MEIS3: variants seen among roughly 807,000 people sequenced by gnomAD.
MEIS3 encodes homeobox protein Meis3.
In MEIS3, 38 loss-of-function variants were observed where a neutral mutation model predicts 51.4. That is an observed-to-expected ratio of 0.74 (90% CI 0.57 to 0.97). The LOEUF (loss-of-function observed/expected upper bound fraction) is 0.97, where lower values mean the gene tolerates loss of function less well. Ranked by LOEUF, MEIS3 falls within the 50% of genes least tolerant of loss-of-function variation. MEIS3 has a pLI of 0.00. For missense variants in MEIS3, 456 were observed against 502.6 expected (o/e 0.91, Z 0.89); for synonymous variants, 198 against 201.8 (o/e 0.98, Z 0.16).
At chr19:47,417,134 GAC>G in intron 2 of MEIS3, 42 bp downstream of exon 2, 2 of 1,536,876 alleles carry the variant, frequency 1.3e-6, no homozygotes, top group Non-Finnish European at 1.7e-6. Context: ...GAAGCAGAAA[GAC>G]AGAGAGAGAG....
intron 9 of MEIS3, 106 bp from the exon 10 acceptor site, chr19:47,407,243 G>A: frequency 6.8e-6 from 10 of 1,475,842 alleles, no homozygotes; most frequent in Non-Finnish European, 9.1e-6. Flanking sequence ...AGGCAGAGCG[G>A]GGCGAGCAGG....
At chr19:47,403,834 G>C (rs1031368422) in intron 12 of MEIS3, among the ~76,000 whole-genome samples, 1 of 152,098 alleles carries the variant, frequency 6.6e-6, no homozygotes, top group Admixed American at 6.5e-5. Context: ...GACAGACCTG[G>C]AGGGAGTCAG....
intron 2 of MEIS3, 55 bp from the exon 3 acceptor site, chr19:47,417,018 G>A (rs1327565952): frequency 1.9e-5 from 30 of 1,546,880 alleles, no homozygotes; most frequent in Non-Finnish European, 2.4e-5. Context: ...GTGGATGGAG[G>A]GGCTGCCAAG....
chr19:47,403,437 G>C lies in MEIS3; in HGVS notation c.*134C>G. The C allele has an allele frequency of 2.2e-6, 1 of 455,154 alleles. No individual in the cohort carries two copies. The highest frequency in any genetic ancestry group is 1.6e-5 in the South Asian group (1 of 64,496). 28.2% of individuals were successfully genotyped at this position (455,154 alleles called of 1,614,324 possible). ...ACTCAGGCCCCCATGTCCCAGCAGG[G>C]CCCTAGGGAGGTAGGCATTGAGCAG... On this transcript the variant is annotated 3_prime_UTR_variant, in exon 13 of 13. Transcript: ENST00000558555.
intron 4 of MEIS3, chr19:47,416,344 C>T: frequency 5.7e-6 from 2 of 351,266 alleles, no homozygotes; most frequent in Non-Finnish European, 5.2e-6. Flanking sequence ...ACCCCCACAG[C>T]AGCCCTCCAA....
At chr19:47,407,781 G>A (rs1017588553) in intron 8 of MEIS3, 16 of 469,102 alleles carry the variant, frequency 3.4e-5, no homozygotes, top group Non-Finnish European at 5.6e-5. Context: ...ATCTGTCAGA[G>A]TCTCTGTGTG....
chr19:47,421,786 G>T (rs1971721169), upstream of MEIS3, among the ~76,000 whole-genome samples: 1 of 150,186 alleles, frequency 6.7e-6, no homozygotes, highest in Non-Finnish European at 1.5e-5. Context: ...TCTTTGTCTG[G>T]ATGTCTTCTC....
chr19:47,411,074 T>G (rs1953938235), intron 6 of MEIS3, among the ~76,000 whole-genome samples: 1 of 152,044 alleles, frequency 6.6e-6, no homozygotes. Flanking sequence ...GTAGCTGGGA[T>G]TACAGGTGCC....
intron 9 of MEIS3, 34 bp from the exon 10 acceptor site, chr19:47,407,171 A>C: frequency 6.3e-7 from 1 of 1,597,154 alleles, no homozygotes; most frequent in Non-Finnish European, 8.5e-7. Context: ...AGGGGAATGA[A>C]AAGAGGGAGT....
chr19:47,412,758 C>CG (rs1254782200), intron 6 of MEIS3, among the ~76,000 whole-genome samples: 1 of 151,924 alleles, frequency 6.6e-6, no homozygotes, highest in Non-Finnish European at 1.5e-5. Context: ...TTAGTAGAGA[C>CG]GGGGTTTCAC....
At position 47,417,222 on chromosome 19, in the gene MEIS3, G is replaced by C. The variant is rs776314021; in HGVS notation, c.141C>G (p.Gly47=). 1 of 1,587,296 alleles carries C rather than the reference G, an allele frequency of 6.3e-7. No individual in the cohort carries two copies. The part of the protein sequence containing the change: ...PHRPPQPLPP[G]LDSDGLKREK... ...CCCTCTTCAGGCCGTCGCTGTCCAA[G>C]CCTGGGGGCAGGGGCTGGGGAGGCC... The change falls in exon 2 of 13, where the codon GGC becomes GGG. Residue 47 remains glycine (G), a synonymous_variant. Coordinates refer to ENST00000558555, the MANE Select transcript of MEIS3 (RefSeq NM_001301059.2).
Position 47,415,040 on chromosome 19 carries a change from G to T in MEIS3, c.447+11C>A. 1.3e-6 allele frequency: 2 copies of T among 1,555,398 alleles called. No individual in the cohort carries two copies. Among genetic ancestry groups the T allele is most frequent in the Middle Eastern group, 2.1e-4 (1 of 4,682 alleles). On this transcript the variant is annotated intron_variant, in intron 5 of 12. Coordinates refer to ENST00000558555, the MANE Select transcript of MEIS3 (RefSeq NM_001301059.2). ...GGCAAGTGAGGGTGTGGGGAGGTGA[G>T]ACGCGCTCACCTTCTCCAGCTCCAG...
upstream of MEIS3, among the ~76,000 whole-genome samples, chr19:47,420,940 A>ACACACACACTCTCT (rs1187725467): frequency 1.6e-3 from 149 of 90,920 alleles, no homozygotes; most frequent in Middle Eastern, 7.0e-3. Flanking sequence ...ACACACACAC[A>ACACACACACTCTCT]CTCTCTCTCT....
upstream of MEIS3, among the ~76,000 whole-genome samples, chr19:47,420,581 CAGAGTG>C (rs1568433815): frequency 1.1e-5 from 1 of 87,336 alleles, no homozygotes; most frequent in African/African-American, 4.4e-5. Context: ...GAGGTGCAGA[CAGAGTG>C]AGACAGACAG....
At chr19:47,412,256 TTC>T (rs1170431235) in intron 6 of MEIS3, 1 of 152,174 alleles carries the variant, frequency 6.6e-6, no homozygotes, top group Non-Finnish European at 1.5e-5. Context: ...GCAGTAACAG[TTC>T]TTTGTTTTTC....
chr19:47,421,144 G>A (rs565094941), upstream of MEIS3, among the ~76,000 whole-genome samples: 18 of 152,106 alleles, frequency 1.2e-4, 1 homozygote, highest in Admixed American at 3.9e-4. Context: ...GTCTGGAAGC[G>A]TCTTCCCTGC....
intron 12 of MEIS3, among the ~76,000 whole-genome samples, chr19:47,405,333 A>G (rs1370006959): frequency 6.6e-6 from 1 of 152,130 alleles, no homozygotes; most frequent in Admixed American, 6.6e-5. Flanking sequence ...TACTCTGCCC[A>G]GTGGACTCCT....
rs377076548 is a variant in MEIS3 at position 47,409,073 on chromosome 19, C to G, written c.858+26G>C. On this transcript the variant is annotated intron_variant, in intron 8 of 12. Transcript: ENST00000558555. ...CCTTCTCCCTCTCTCCATTCCCACC[C>G]TGCACCTGGGCAGCAGGGCTCTCAC... 18 of 1,606,044 alleles carry G rather than the reference C, an allele frequency of 1.1e-5. No homozygotes were observed. In the African/African-American group the frequency reaches 2.1e-4, roughly 19 times the overall value.
At position 47,417,333 on chromosome 19, in the gene MEIS3, G is replaced by C. The variant is rs774035879; in HGVS notation, c.30C>G (p.His10Gln). The change falls in exon 2 of 13, where the codon CAC (histidine) becomes CAG (glutamine). Residue 10 changes from histidine to glutamine, a missense_variant. Coordinates refer to ENST00000558555, the MANE Select transcript of MEIS3 (RefSeq NM_001301059.2). ...CGGGGCCATCCACGATGCCTGGGTA[G>C]TGCGGCAGCTCATCATACTGGGGGA... MARRYDELP[H>Q]YPGIVDGPAA... The C allele has an allele frequency of 1.2e-5, 19 of 1,613,290 alleles. 1 individual carries two copies. The South Asian group carries it at 2.1e-4, about 18-fold the overall frequency.
Sources: gnomAD v4.1 joint callset for allele counts (sites outside exome capture counted in the v4.1 genomes callset) on GRCh38, gnomAD v4.1.1 for gene constraint, MANE v1.5 for transcripts, NCBI Gene and HGNC (gene_info 2026-07-23, HGNC 2026-07-21) for gene names.